DIP2A: variants seen among roughly 807,000 people sequenced by gnomAD.
DIP2A encodes the protein disco-interacting protein 2 homolog A.
In DIP2A, 85 loss-of-function variants were observed where a neutral mutation model predicts 177.4. The ratio of observed to expected loss-of-function variants is 0.48; its 90% CI spans 0.40 to 0.57. DIP2A has a LOEUF of 0.57. Among genes scored for constraint, DIP2A ranks in the 20% least tolerant of loss-of-function variants. DIP2A has a pLI of 0.00. For missense variants in DIP2A, 1,791 were observed against 2,100.2 expected (o/e 0.85, Z 2.88); for synonymous variants, 886 against 881.8 (o/e 1.00, Z -0.08).
At chr21:46,505,807 A>G (rs968081265) in intron 6 of DIP2A, among the ~76,000 whole-genome samples, 2 of 152,170 alleles carry the variant, frequency 1.3e-5, no homozygotes, top group African/African-American at 4.8e-5. Flanking sequence ...CTAGAATTTT[A>G]TATAAAAGGA....
chr21:46,482,343 C>A (rs2056402222), intron 1 of DIP2A, among the ~76,000 whole-genome samples: 1 of 152,212 alleles, frequency 6.6e-6, no homozygotes. Context: ...GCTAAAAATT[C>A]TTACCACCTA....
intron 6 of DIP2A, among the ~76,000 whole-genome samples, chr21:46,506,485 A>G (rs1664148761): frequency 6.6e-6 from 1 of 152,182 alleles, no homozygotes; most frequent in African/African-American, 2.4e-5. Flanking sequence ...CATTCTCATT[A>G]TTAGTAGTGA....
chr21:46,497,729 AC>A (rs2057434105), intron 4 of DIP2A, among the ~76,000 whole-genome samples: 1 of 152,182 alleles, frequency 6.6e-6, no homozygotes, highest in Non-Finnish European at 1.5e-5. Context: ...AAATAGTGAC[AC>A]CCATTTTTGG....
At chr21:46,503,843 A>G (rs2057831399) in intron 5 of DIP2A, among the ~76,000 whole-genome samples, 1 of 152,070 alleles carries the variant, frequency 6.6e-6, no homozygotes, top group African/African-American at 2.4e-5. Flanking sequence ...CTCCTGCCTC[A>G]GCCTCCCCAG....
At chr21:46,523,366 C>T (rs1394200261) in intron 8 of DIP2A, among the ~76,000 whole-genome samples, 2 of 148,940 alleles carry the variant, frequency 1.3e-5, no homozygotes, top group South Asian at 2.1e-4. Context: ...TCCTGAGTAG[C>T]TAGGATTACA....
At position 46,554,715 on chromosome 21, in the gene DIP2A, C is replaced by G. The variant is rs558366980; in HGVS notation, c.3276+19C>G. On this transcript the variant is annotated intron_variant, in intron 27 of 37. Transcript: ENST00000417564. Reference sequence around the variant, plus strand: ...CGTGGAGGTGCGCCTACCTGGCCCGCGGGTCAGAGTCTGTGAGTGGGAGGC... The same window carrying G: ...CGTGGAGGTGCGCCTACCTGGCCCGGGGGTCAGAGTCTGTGAGTGGGAGGC... 1.5e-5 allele frequency: 24 copies of G among 1,556,246 alleles called. No homozygotes were observed. The African/African-American group carries it at 2.6e-4, about 17-fold the overall frequency.
At chr21:46,533,375 A>G (rs1025642324) in intron 10 of DIP2A, 149 bp from the exon 11 acceptor site, 30 of 808,854 alleles carry the variant, frequency 3.7e-5, no homozygotes, top group Admixed American at 2.1e-4. Context: ...AAAAGATCAT[A>G]TATATCAATA....
chr21:46,490,012 C>T (rs568548289), intron 2 of DIP2A, among the ~76,000 whole-genome samples: 57 of 152,290 alleles, frequency 3.7e-4, no homozygotes, highest in African/African-American at 1.3e-3. Context: ...GGTGGTGCGG[C>T]GAGGGCAGCT....
intron 20 of DIP2A, 47 bp downstream of exon 20, chr21:46,546,008 G>C (rs753059338): frequency 6.2e-7 from 1 of 1,613,566 alleles, no homozygotes; most frequent in Non-Finnish European, 8.5e-7. Flanking sequence ...AGAAGGTAGG[G>C]GGTGTGGCTA....
chr21:46,518,115 T>C (rs1368930127), intron 8 of DIP2A, among the ~76,000 whole-genome samples: 1 of 152,236 alleles, frequency 6.6e-6, no homozygotes, highest in African/African-American at 2.4e-5. Context: ...TTATTTCTGT[T>C]GAGGAATGAA....
At chr21:46,508,331 A>G (rs1248468592) in intron 6 of DIP2A, among the ~76,000 whole-genome samples, 2 of 145,996 alleles carry the variant, frequency 1.4e-5, no homozygotes, top group South Asian at 2.2e-4. Flanking sequence ...GCTGTGAGCC[A>G]CTGCTCCTGG....
chr21:46,492,737 C>T (rs947894486), intron 3 of DIP2A, among the ~76,000 whole-genome samples: 6 of 152,020 alleles, frequency 3.9e-5, no homozygotes, highest in East Asian at 1.9e-4. Context: ...CTGAAGCAGG[C>T]GGAGACCAGC....
intron 33 of DIP2A, chr21:46,561,519 C>A: frequency 1.6e-6 from 1 of 635,938 alleles, no homozygotes. Context: ...GAGTGAGCTG[C>A]TGTGAGCACA....
chr21:46,560,905 C>T (rs1205507484), intron 33 of DIP2A, 122 bp downstream of exon 33: 13 of 1,491,026 alleles, frequency 8.7e-6, no homozygotes, highest in Non-Finnish European at 1.2e-5. Flanking sequence ...CCAAGTCAGG[C>T]CTACCGGGAC....
intron 12 of DIP2A, 119 bp from the exon 13 acceptor site, chr21:46,534,465 GC>G: frequency 1.0e-6 from 1 of 971,552 alleles, no homozygotes; most frequent in South Asian, 1.6e-5. Flanking sequence ...CTGGTTAGAG[GC>G]CGATGGTTAG....
At chr21:46,536,442 G>A (rs1223768020) in intron 13 of DIP2A, among the ~76,000 whole-genome samples, 1 of 152,202 alleles carries the variant, frequency 6.6e-6, no homozygotes, top group Non-Finnish European at 1.5e-5. Context: ...TTTCCGAAGG[G>A]TGATGCAAAC....
At chr21:46,517,824 G>A (rs373751287) in intron 8 of DIP2A, among the ~76,000 whole-genome samples, 2 of 152,220 alleles carry the variant, frequency 1.3e-5, no homozygotes, top group African/African-American at 4.8e-5. Flanking sequence ...AGCCCCCCGT[G>A]GGGGCTGGAA....
At chr21:46,581,930 C>G in the DIP2A span, among the ~76,000 whole-genome samples, 1 of 152,148 alleles carries the variant, frequency 6.6e-6, no homozygotes, top group African/African-American at 2.4e-5. Context: ...GCTTGGGATC[C>G]GAGGCCTGCT....
At chr21:46,551,011 A>G (rs1398902479) in intron 23 of DIP2A, among the ~76,000 whole-genome samples, 1 of 152,196 alleles carries the variant, frequency 6.6e-6, no homozygotes, top group East Asian at 1.9e-4. Flanking sequence ...AAACTCAAGG[A>G]TGGCATCTTA....
Sources: allele counts gnomAD v4.1 joint callset (sites outside exome capture counted in the v4.1 genomes callset), GRCh38; gene constraint gnomAD v4.1.1; transcripts MANE v1.5; gene names NCBI Gene and HGNC (gene_info 2026-07-23, HGNC 2026-07-21).